The following ROCK2 variants were observed in gnomAD, a reference collection of about 807,000 sequenced individuals.
ROCK2 encodes Rho associated coiled-coil containing protein kinase 2.
ROCK2 carries 61 observed loss-of-function variants against 195.1 expected under a neutral mutation model. The observed-to-expected ratio is 0.31, with a 90% CI of 0.25 to 0.39. The LOEUF is 0.39. Ranked by LOEUF, ROCK2 falls within the 10% of genes least tolerant of loss-of-function variation. The probability of loss-of-function intolerance (pLI) is 1.00; values close to 1 mark genes in which losing one functional copy is unlikely to be tolerated. For synonymous variants in ROCK2, 504 were observed against 545.5 expected (o/e 0.92, Z 1.06); for missense variants, 1,109 against 1,637.4 (o/e 0.68, Z 5.57).
intron 6 of ROCK2, 91 bp downstream of exon 6, chr2:11,227,163 G>C (rs1279351093): frequency 1.7e-6 from 2 of 1,208,376 alleles, no homozygotes; most frequent in Non-Finnish European, 2.3e-6. Context: ...CTACGACAAA[G>C]GCAATTAATT....
chr2:11,268,112 C>T (rs1162256878), intron 3 of ROCK2, among the ~76,000 whole-genome samples: 1 of 151,956 alleles, frequency 6.6e-6, no homozygotes, highest in Non-Finnish European at 1.5e-5. Flanking sequence ...ACCACTGACC[C>T]CAAACTAGAG....
Position 11,333,204 on chromosome 2 carries a change from A to G in ROCK2, c.141+10792T>C, listed in dbSNP as rs1668822318. Among the ~76,000 whole-genome samples, 4 of 152,260 alleles carry G rather than the reference A, an allele frequency of 2.6e-5. No homozygotes were observed. In the South Asian group the frequency reaches 8.3e-4, roughly 31 times the overall value. On this transcript the variant is annotated intron_variant, in intron 1 of 32. Coordinates refer to ENST00000315872, the MANE Select transcript of ROCK2 (RefSeq NM_004850.5). ...AATAAAAAGAACTAGCAATGCTAGT[A>G]AACAATGATGCCTGACTCTATATAT...
chr2:11,245,107 T>C (rs2148120324), intron 4 of ROCK2, among the ~76,000 whole-genome samples: 1 of 151,954 alleles, frequency 6.6e-6, no homozygotes, highest in South Asian at 2.1e-4. Flanking sequence ...TGAAATCTTT[T>C]TCAGTGCACT....
chr2:11,277,888 G>C (rs1356634332), intron 3 of ROCK2, among the ~76,000 whole-genome samples: 1 of 152,150 alleles, frequency 6.6e-6, no homozygotes, highest in Non-Finnish European at 1.5e-5. Flanking sequence ...ATGTCTTATG[G>C]AATCATAGAG....
At position 11,183,302 on chromosome 2, in the gene ROCK2, T is replaced by C; in HGVS notation, c.*135A>G. The C allele has an allele frequency of 1.2e-5, 7 of 601,040 alleles. No individual in the cohort carries two copies. The highest frequency in any genetic ancestry group is 3.7e-5 in the Admixed American group (1 of 27,360). 37.2% of individuals were successfully genotyped at this position (601,040 alleles called of 1,614,324 possible). On this transcript the variant is annotated 3_prime_UTR_variant, in exon 33 of 33. Coordinates refer to ENST00000315872, the MANE Select transcript of ROCK2 (RefSeq NM_004850.5). ...ATATTACAGGGAAAAGGGGAACACA[T>C]ATATGTATGAGTGTATGTATCAGTC...
chr2:11,197,058 GAGT>G lies in ROCK2; in HGVS notation c.3448+119_3448+121del, dbSNP rs754722376. 3 of 534,094 alleles carry G rather than the reference GAGT, an allele frequency of 5.6e-6. No individual in the cohort carries two copies. The highest frequency in any genetic ancestry group is 3.4e-5 in the East Asian group (1 of 29,540). The allele number at this position is 534,094 out of a possible 1,614,324, so 33.1% of individuals were successfully genotyped here. On this transcript the variant is annotated intron_variant, in intron 27 of 32. Transcript: ENST00000315872. This position sits in a 1 kb window ranked among gnomAD's most constrained non-coding sequence, Gnocchi z 4.9. ...ATGTTACTTGAATCCTTACTCCAAG[GAGT>G]AGGTTTTCCCTTAAAGAAATTACAA...
At chr2:11,322,891 G>A (rs755562318) in intron 1 of ROCK2, among the ~76,000 whole-genome samples, 1 of 152,062 alleles carries the variant, frequency 6.6e-6, no homozygotes, top group Non-Finnish European at 1.5e-5. Context: ...AACAACTAAT[G>A]AGTTTTAAAG....
At position 11,248,708 on chromosome 2, in the gene ROCK2, C is replaced by CAAAAAAAAAAAAAAAAAAAAAAAAAA. The variant is rs70953372; in HGVS notation, c.462+927_462+952dup. 3.3e-4 allele frequency among the ~76,000 whole-genome samples: 15 copies of CAAAAAAAAAAAAAAAAAAAAAAAAAA among 45,416 alleles called. 1 individual carries two copies. The highest frequency in any genetic ancestry group is 1.6e-3 in the African/African-American group (12 of 7,398). 29.8% of individuals were successfully genotyped at this position (45,416 alleles called of 152,430 possible). ...TGAGCAACAGAGCAAGACTTCATCT[C>CAAAAAAAAAAAAAAAAAAAAAAAAAA]AAAAAAAAAAAAAAAAAAAAAAAAA... On this transcript the variant is annotated intron_variant, in intron 4 of 32. Coordinates refer to ENST00000315872, the MANE Select transcript of ROCK2 (RefSeq NM_004850.5).
chr2:11,214,863 G>A lies in ROCK2; in HGVS notation c.1913C>T (p.Ser638Leu). The A allele has an allele frequency of 6.2e-7, 1 of 1,611,550 alleles. No individual in the cohort carries two copies. The highest frequency in any genetic ancestry group is 8.5e-7 in the Non-Finnish European group (1 of 1,179,488). ...ESERRDRTHG[S>L]EIINDLQGRI... ...ACCTTGTAAATCATTAATTATCTCT[G>A]ATCCATGGGTTCGATCCCTCCTTTC... Residue 638 changes from serine to leucine, a missense_variant, in exon 16 of 33, where the codon TCA becomes TTA. By Grantham distance (145) the Ser-to-Leu change is moderately radical. Transcript: ENST00000315872.
Position 11,318,372 on chromosome 2 carries a change from A to G in ROCK2, c.141+25624T>C, listed in dbSNP as rs538473016. ...ATTTCTCTGATGGCCAGTGATGATG[A>G]GCATTTTTTCATGTGTCTGTTGGCT... On this transcript the variant is annotated intron_variant, in intron 1 of 32. Transcript: ENST00000315872. Among the ~76,000 whole-genome samples, 1,403 of 152,306 alleles carry G rather than the reference A, an allele frequency of 9.2e-3. 16 individuals are homozygous for G. Among genetic ancestry groups the G allele is most frequent in the African/African-American group, 0.032 (1,317 of 41,568 alleles).
chr2:11,316,507 A>C (rs546757925), intron 1 of ROCK2, among the ~76,000 whole-genome samples: 7 of 152,282 alleles, frequency 4.6e-5, no homozygotes, highest in African/African-American at 1.4e-4. Flanking sequence ...GGAAAGACTC[A>C]ACAAACTAAA....
At chr2:11,208,056 T>C in intron 19 of ROCK2, 146 bp from the exon 20 acceptor site, 1 of 461,508 alleles carries the variant, frequency 2.2e-6, no homozygotes, top group Non-Finnish European at 3.5e-6. Flanking sequence ...TTTTTTGTAT[T>C]TCTAATAATA....
intron 3 of ROCK2, among the ~76,000 whole-genome samples, chr2:11,268,054 A>C (rs552428549): frequency 6.2e-4 from 94 of 152,126 alleles, no homozygotes; most frequent in African/African-American, 2.2e-3. Flanking sequence ...AGACTGAAAA[A>C]CCAACAGTGC....
chr2:11,312,853 G>A (rs1176428390), intron 1 of ROCK2, among the ~76,000 whole-genome samples: 3 of 152,018 alleles, frequency 2.0e-5, no homozygotes, highest in African/African-American at 7.2e-5. Flanking sequence ...ATATTTCTAC[G>A]TGAAAGAAAC....
intron 1 of ROCK2, among the ~76,000 whole-genome samples, chr2:11,294,948 C>G (rs375396442): frequency 6.6e-6 from 1 of 151,758 alleles, no homozygotes; most frequent in African/African-American, 2.4e-5. Context: ...CCACTATGCC[C>G]GGCTACTTTT....
intron 1 of ROCK2, among the ~76,000 whole-genome samples, chr2:11,334,581 A>T (rs1163131161): frequency 6.6e-6 from 1 of 151,772 alleles, no homozygotes; most frequent in Non-Finnish European, 1.5e-5. Context: ...AACATAAAAG[A>T]CTCGTACTAA....
chr2:11,251,394 T>C (rs945070669), intron 3 of ROCK2, among the ~76,000 whole-genome samples: 2 of 152,380 alleles, frequency 1.3e-5, no homozygotes, highest in African/African-American at 2.4e-5. Flanking sequence ...GATACATATA[T>C]TATCTTACTT....
intron 3 of ROCK2, among the ~76,000 whole-genome samples, chr2:11,261,644 C>T (rs1305518214): frequency 1.3e-5 from 2 of 152,164 alleles, no homozygotes; most frequent in Non-Finnish European, 2.9e-5. Context: ...TGGTGAAACC[C>T]TGTCTTTACT....
chr2:11,325,569 A>G (rs952588525), intron 1 of ROCK2, among the ~76,000 whole-genome samples: 3 of 152,194 alleles, frequency 2.0e-5, no homozygotes, highest in African/African-American at 7.2e-5. Context: ...GGGATATGAG[A>G]GAAAGGGAGG....
Sources: gnomAD v4.1 joint callset for allele counts (sites outside exome capture counted in the v4.1 genomes callset) on GRCh38, gnomAD v4.1.1 for gene constraint, Gnocchi (gnomAD v3.1) non-coding constraint, MANE v1.5 for transcripts, NCBI Gene and HGNC (gene_info 2026-07-23, HGNC 2026-07-21) for gene names.